GPM6B: variants seen among roughly 807,000 people sequenced by gnomAD.
GPM6B encodes the protein neuronal membrane glycoprotein M6-b.
GPM6B carries 4 observed loss-of-function variants against 27.2 expected under a neutral mutation model. That is an observed-to-expected ratio of 0.15 (90% CI 0.07 to 0.34). The LOEUF (loss-of-function observed/expected upper bound fraction) is 0.34, where lower values mean the gene tolerates loss of function less well. GPM6B is among the 10% of genes least tolerant of loss of function. The pLI is 1.00. For missense variants in GPM6B, 183 were observed against 261.9 expected, an observed-to-expected ratio of 0.70 and a Z score of 2.08; for synonymous variants, 124 against 103.1, an observed-to-expected ratio of 1.20 and a Z score of -1.23.
intron 1 of GPM6B, among the ~76,000 whole-genome samples, chrX:13,926,364 C>T (rs1293690407): frequency 9.3e-6 from 1 of 108,053 alleles, no homozygotes; most frequent in African/African-American, 3.4e-5. Context: ...GCCCAGATTG[C>T]GCCACTGCAC....
chrX:13,773,071 G>A, intron 7 of GPM6B, 41 bp from the exon 8 acceptor site: 1 of 1,165,339 alleles, frequency 8.6e-7, no homozygotes, highest in Non-Finnish European at 1.2e-6. Context: ...TGAGCATTGT[G>A]AGAAGGCAAA....
At chrX:13,888,648 G>C (rs1166000038) in intron 1 of GPM6B, among the ~76,000 whole-genome samples, 2 of 111,477 alleles carry the variant, frequency 1.8e-5, no homozygotes, top group Non-Finnish European at 3.8e-5. Flanking sequence ...GGTTCCTGCA[G>C]TCCCTCGCCA....
At chrX:13,784,403 G>T (rs1046870678) in intron 3 of GPM6B, among the ~76,000 whole-genome samples, 2 of 111,886 alleles carry the variant, frequency 1.8e-5, no homozygotes, top group Non-Finnish European at 3.8e-5. Flanking sequence ...TGTCCTGCTT[G>T]AGCCCTCCTT....
Position 13,863,280 on chromosome X carries a change from T to C in GPM6B, c.-198+75047A>G, listed in dbSNP as rs984029139. 5.4e-5 allele frequency among the ~76,000 whole-genome samples: 6 copies of C among 112,036 alleles called. No homozygotes were observed. The South Asian group carries it at 1.8e-3, about 34-fold the overall frequency. On this transcript the variant is annotated intron_variant, in intron 1 of 6. Coordinates refer to the GPM6B transcript ENST00000398361. ...ACACAATCTTAACACATTTCATTTC[T>C]GGATAAGAACAAATGTCCTATCCAC...
intron 1 of GPM6B, among the ~76,000 whole-genome samples, chrX:13,899,673 T>C (rs181625089): frequency 9.0e-6 from 1 of 110,750 alleles, no homozygotes; most frequent in Admixed American, 9.6e-5. Context: ...CTGGAGCCCA[T>C]GTTGCTGTGA....
At chrX:13,886,085 T>A (rs2050132384) in intron 1 of GPM6B, among the ~76,000 whole-genome samples, 1 of 112,532 alleles carries the variant, frequency 8.9e-6, no homozygotes, top group East Asian at 2.8e-4. Flanking sequence ...TTGACCTATC[T>A]ACCACTTTCT....
chrX:13,823,789 C>G lies in GPM6B; in HGVS notation c.-197-37981G>C, dbSNP rs755041445. 3.6e-5 allele frequency among the ~76,000 whole-genome samples: 4 copies of G among 111,994 alleles called. No individual in the cohort carries two copies. The East Asian group carries it at 1.1e-3, about 31-fold the overall frequency. ...CCTGCCTCAGCCTCCCAAAGTGCTG[C>G]GATTAGGCATGAGCCACCGCACCCA... On this transcript the variant is annotated intron_variant, in intron 1 of 6. Transcript: ENST00000398361.
intron 1 of GPM6B, among the ~76,000 whole-genome samples, chrX:13,930,613 CA>C (rs143684071): frequency 9.3e-4 from 73 of 78,599 alleles, no homozygotes; most frequent in Middle Eastern, 7.4e-3. Context: ...GACTCCGTCT[CA>C]AAAAAAAAAA....
intron 1 of GPM6B, among the ~76,000 whole-genome samples, chrX:13,827,345 C>G (rs971342355): frequency 7.1e-5 from 7 of 98,952 alleles, no homozygotes; most frequent in African/African-American, 2.3e-4. Flanking sequence ...TGCAGTGGTG[C>G]GATCATGGAT....
intron 1 of GPM6B, among the ~76,000 whole-genome samples, chrX:13,920,689 A>G (rs1299015209): frequency 1.8e-5 from 2 of 111,287 alleles, no homozygotes; most frequent in African/African-American, 6.6e-5. Context: ...CAGGAGATAG[A>G]GACCATCCTG....
chrX:13,774,513 G>T, intron 7 of GPM6B: 1 of 1,206,308 alleles, frequency 8.3e-7, no homozygotes, highest in Non-Finnish European at 1.1e-6. Context: ...TCATGCTACA[G>T]AGCATAGCTC....
At chrX:13,873,546 A>G (rs2050002609) in intron 1 of GPM6B, among the ~76,000 whole-genome samples, 2 of 112,207 alleles carry the variant, frequency 1.8e-5, no homozygotes, top group Non-Finnish European at 3.8e-5. Flanking sequence ...TTGACCTTAA[A>G]ATGGTTCATT....
intron 1 of GPM6B, among the ~76,000 whole-genome samples, chrX:13,903,576 A>G (rs984394591): frequency 1.8e-5 from 2 of 111,801 alleles, no homozygotes; most frequent in African/African-American, 6.5e-5. Flanking sequence ...ATCTTCTCCA[A>G]TGCAGGGCCA....
intron 1 of GPM6B, among the ~76,000 whole-genome samples, chrX:13,906,965 A>C (rs1486876474): frequency 8.9e-6 from 1 of 112,510 alleles, no homozygotes; most frequent in Middle Eastern, 4.6e-3. Context: ...AAGCAAGACC[A>C]CTAACTTTAG....
At chrX:13,911,512 G>C (rs898371964) in intron 1 of GPM6B, among the ~76,000 whole-genome samples, 14 of 112,386 alleles carry the variant, frequency 1.2e-4, no homozygotes, top group African/African-American at 4.5e-4. Flanking sequence ...TGCGGTTAAA[G>C]AACTGAGTTT....
At chrX:13,909,121 T>C (rs1044677534) in intron 1 of GPM6B, among the ~76,000 whole-genome samples, 2 of 24,036 alleles carry the variant, frequency 8.3e-5, no homozygotes, top group African/African-American at 3.5e-4. Flanking sequence ...GTTCATATCC[T>C]TTTTTTTTTT....
At chrX:13,914,903 G>A (rs926879540) in intron 1 of GPM6B, among the ~76,000 whole-genome samples, 5 of 111,195 alleles carry the variant, frequency 4.5e-5, no homozygotes, top group African/African-American at 1.6e-4. Flanking sequence ...CCTCTGGGGT[G>A]TCATCCACCT....
At chrX:13,842,665 G>T (rs1443090328) in intron 1 of GPM6B, among the ~76,000 whole-genome samples, 1 of 111,011 alleles carries the variant, frequency 9.0e-6, no homozygotes. Context: ...GATTGCTTGA[G>T]GCCAGGAGTT....
intron 1 of GPM6B, among the ~76,000 whole-genome samples, chrX:13,842,063 T>G (rs897398914): frequency 8.9e-6 from 1 of 112,036 alleles, no homozygotes; most frequent in African/African-American, 3.3e-5. Context: ...ATTCTTTTTC[T>G]CCAAAATATT....
Sources: gnomAD v4.1 joint callset for allele counts (sites outside exome capture counted in the v4.1 genomes callset) on GRCh38, gnomAD v4.1.1 for gene constraint, MANE v1.5 for transcripts, NCBI Gene and HGNC (gene_info 2026-07-23, HGNC 2026-07-21) for gene names.